The following GRB14 variants were observed in gnomAD, a reference collection of about 807,000 sequenced individuals.
The protein encoded by GRB14 is growth factor receptor bound protein 14, also known as growth factor receptor-bound protein 14.
Under a neutral mutation model 69.1 loss-of-function variants are expected in GRB14, and 38 were observed. The ratio of observed to expected loss-of-function variants is 0.55; its 90% CI spans 0.42 to 0.72. GRB14 has a LOEUF of 0.72. Ranked by LOEUF, GRB14 falls within the 30% of genes least tolerant of loss-of-function variation. The pLI is 0.00. For missense variants in GRB14, 666 were observed against 666.1 expected (o/e 1.00, Z 0.00); for synonymous variants, 247 against 241.3 (o/e 1.02, Z -0.22).
At chr2:164,525,586 A>T (rs902899202) in intron 4 of GRB14, among the ~76,000 whole-genome samples, 2 of 152,148 alleles carry the variant, frequency 1.3e-5, no homozygotes, top group Middle Eastern at 3.4e-3. Context: ...AAATTCACCC[A>T]GGGCAGTTGT....
chr2:164,552,158 A>ATGG (rs1275635198), intron 2 of GRB14, among the ~76,000 whole-genome samples: 3 of 152,078 alleles, frequency 2.0e-5, no homozygotes, highest in African/African-American at 7.2e-5. Context: ...TGACCCAAAC[A>ATGG]CCTCCTGCTA....
intron 2 of GRB14, 137 bp from the exon 3 acceptor site, chr2:164,547,953 A>T (rs1688428246): frequency 3.5e-6 from 2 of 564,000 alleles, no homozygotes; most frequent in African/African-American, 3.8e-5. Flanking sequence ...TTATATAGTA[A>T]AACAAATTAA....
chr2:164,602,207 G>A (rs1230644888), intron 2 of GRB14, among the ~76,000 whole-genome samples: 2 of 151,360 alleles, frequency 1.3e-5, no homozygotes, highest in Non-Finnish European at 2.9e-5. Context: ...GAGGGGAGGG[G>A]AAGGGAGATT....
intron 2 of GRB14, among the ~76,000 whole-genome samples, chr2:164,617,467 G>A (rs1338267574): frequency 6.6e-6 from 1 of 151,890 alleles, no homozygotes; most frequent in Non-Finnish European, 1.5e-5. Flanking sequence ...CTGAGGAAAT[G>A]TCATCAATCT....
intron 2 of GRB14, among the ~76,000 whole-genome samples, chr2:164,589,551 G>C (rs1430437566): frequency 6.6e-6 from 1 of 152,146 alleles, no homozygotes; most frequent in Non-Finnish European, 1.5e-5. Flanking sequence ...AAGCAAGAGA[G>C]AGAAAGGAGG....
chr2:164,504,894 G>T (rs1280632521), intron 8 of GRB14, among the ~76,000 whole-genome samples: 1 of 152,208 alleles, frequency 6.6e-6, no homozygotes, highest in African/African-American at 2.4e-5. Flanking sequence ...GGCAGAAGAG[G>T]CAGTACCAGG....
At chr2:164,563,104 A>G (rs1182690540) in intron 2 of GRB14, among the ~76,000 whole-genome samples, 1 of 151,810 alleles carries the variant, frequency 6.6e-6, no homozygotes, top group Non-Finnish European at 1.5e-5. Flanking sequence ...TCCACCATCT[A>G]AACTAAGACC....
intron 2 of GRB14, among the ~76,000 whole-genome samples, chr2:164,613,480 A>G (rs1690214018): frequency 6.6e-6 from 1 of 152,160 alleles, no homozygotes; most frequent in Admixed American, 6.5e-5. Context: ...GTTCCCAGTC[A>G]GTTACCAAGT....
intron 2 of GRB14, among the ~76,000 whole-genome samples, chr2:164,586,267 A>G (rs1354091013): frequency 1.3e-5 from 2 of 152,222 alleles, no homozygotes; most frequent in Admixed American, 1.3e-4. Context: ...ATAGTGGGAT[A>G]TGATAGTAGA....
At chr2:164,600,693 C>T (rs914827580) in intron 2 of GRB14, among the ~76,000 whole-genome samples, 4 of 152,100 alleles carry the variant, frequency 2.6e-5, no homozygotes, top group African/African-American at 9.7e-5. Context: ...CATCCTAAAG[C>T]ATTACATGTA....
chr2:164,495,386 G>A (rs773291), intron 12 of GRB14, among the ~76,000 whole-genome samples: 54,521 of 151,838 alleles, frequency 0.36, 10,301 homozygotes, highest in East Asian at 0.61. Context: ...AAATATTTAA[G>A]CAAAATGCTT....
chr2:164,544,857 C>G (rs1197034042), intron 3 of GRB14, among the ~76,000 whole-genome samples: 1 of 152,190 alleles, frequency 6.6e-6, no homozygotes, highest in East Asian at 1.9e-4. Flanking sequence ...ATCAGAAGTA[C>G]AAACATTTTC....
intron 9 of GRB14, among the ~76,000 whole-genome samples, chr2:164,501,846 G>C (rs1308389628): frequency 6.6e-6 from 1 of 151,698 alleles, no homozygotes; most frequent in Non-Finnish European, 1.5e-5. Flanking sequence ...CCCAGAATCG[G>C]TATTAAAATA....
chr2:164,512,122 G>T (rs1314386162), intron 6 of GRB14, among the ~76,000 whole-genome samples: 1 of 152,122 alleles, frequency 6.6e-6, no homozygotes, highest in African/African-American at 2.4e-5. Context: ...CAGTAGAATG[G>T]AACAACAGGT....
chr2:164,527,511 C>G (rs564237967), intron 3 of GRB14, among the ~76,000 whole-genome samples: 1 of 151,674 alleles, frequency 6.6e-6, no homozygotes, highest in Non-Finnish European at 1.5e-5. Context: ...TCTGACTCAT[C>G]ATGGTGCCAA....
chr2:164,585,967 A>G (rs1333035180), intron 2 of GRB14, among the ~76,000 whole-genome samples: 2 of 152,246 alleles, frequency 1.3e-5, no homozygotes, highest in Non-Finnish European at 1.5e-5. Context: ...AGACCTTAGT[A>G]GATCACAGAT....
rs538831852 is a variant in GRB14, at chr2:164,570,168, G to A, written c.325-22352C>T. On this transcript the variant is annotated intron_variant, in intron 2 of 13. Transcript: ENST00000263915. ...CACGTGCCTGTAGTCCCAGCTACTC[G>A]GAAGGCTGAGAGGCAGGAGAATTGC... is the stretch of plus-strand genomic sequence containing the variant. Among the ~76,000 whole-genome samples, 8 of 151,102 alleles carry A rather than the reference G, an allele frequency of 5.3e-5. No individual in the cohort carries two copies. In the South Asian group the frequency reaches 6.3e-4, roughly 12 times the overall value.
intron 2 of GRB14, among the ~76,000 whole-genome samples, chr2:164,613,162 A>G (rs1021959775): frequency 2.6e-5 from 4 of 152,222 alleles, no homozygotes; most frequent in Non-Finnish European, 5.9e-5. Context: ...GAATTGAGAC[A>G]AAGGAGCTGA....
chr2:164,604,585 T>A (rs1312621566), intron 2 of GRB14, among the ~76,000 whole-genome samples: 2 of 151,834 alleles, frequency 1.3e-5, no homozygotes, highest in Non-Finnish European at 2.9e-5. Flanking sequence ...TAAAATGGGA[T>A]TGAGAACAAA....
Sources: gnomAD v4.1 joint callset for allele counts (sites outside exome capture counted in the v4.1 genomes callset) on GRCh38, gnomAD v4.1.1 for gene constraint, MANE v1.5 for transcripts, NCBI Gene and HGNC (gene_info 2026-07-23, HGNC 2026-07-21) for gene names.